Variants in RBFOX1 observed in about 807,000 individuals in gnomAD.
RBFOX1 encodes RNA binding fox-1 homolog 1.
A neutral mutation model predicts 57.7 loss-of-function variants in RBFOX1; 8 were observed. That is an observed-to-expected ratio of 0.14 (90% confidence interval 0.08 to 0.25). RBFOX1 has a LOEUF of 0.25. RBFOX1 is among the 10% of genes least tolerant of loss of function. RBFOX1 has a pLI of 1.00. For synonymous variants in RBFOX1, 326 were observed against 222.4 expected (o/e 1.47, Z -4.15); for missense variants, 611 against 548.5 (o/e 1.11, Z -1.14).
At chr16:7,601,280 G>A (rs935331363) in intron 9 of RBFOX1, among the ~76,000 whole-genome samples, 1 of 152,280 alleles carries the variant, frequency 6.6e-6, no homozygotes, top group Middle Eastern at 3.4e-3. Context: ...CTGTACAAAT[G>A]ATGGGAACTA....
rs148156480 is a variant in RBFOX1 at position 6,789,390 on chromosome 16, G to A, written c.-16+134740G>A. Among the ~76,000 whole-genome samples the A allele has an allele frequency of 2.4e-4, 37 of 152,254 alleles. No homozygotes were observed. The East Asian group carries it at 6.4e-3, about 26-fold the overall frequency. ...GTTACAATGTTAAGGGGTCCTAGGT[G>A]TTAATATCAATTTTATAATTTTTAA... is the stretch of plus-strand genomic sequence containing the variant. On this transcript the variant is annotated intron_variant, in intron 3 of 15. Transcript: ENST00000550418.
At chr16:6,777,670 A>T (rs117891757) in intron 3 of RBFOX1, among the ~76,000 whole-genome samples, 4,213 of 152,190 alleles carry the variant, frequency 0.028, 106 homozygotes, top group Middle Eastern at 0.095. Context: ...CAGTTTCTTA[A>T]ATCTGTAGAC....
Position 6,912,782 on chromosome 16 carries a change from C to T in RBFOX1, c.-15-139275C>T, listed in dbSNP as rs565131404. 1.8e-4 allele frequency among the ~76,000 whole-genome samples: 28 copies of T among 151,464 alleles called. No individual in the cohort carries two copies. In the South Asian group the frequency reaches 3.8e-3, roughly 20 times the overall value. On this transcript the variant is annotated intron_variant, in intron 3 of 15. Transcript: ENST00000550418. ...ATAGGCACATGCCACCACACGTGCCCGCCTAATTTTTTTTTTTAAGACAGA... is the reference window on the plus strand; with the variant it reads ...ATAGGCACATGCCACCACACGTGCCTGCCTAATTTTTTTTTTTAAGACAGA...
Position 7,686,007 on chromosome 16 carries a change from C to CTCA in RBFOX1, c.995+9170_995+9172dup, listed in dbSNP as rs1466237532. On this transcript the variant is annotated intron_variant, in intron 14 of 15. Coordinates refer to ENST00000550418, the MANE Select transcript of RBFOX1 (RefSeq NM_018723.4). ...CAGGCCAACATTGAGCTAGTTGACC[C>CTCA]TCAACTGCCTCATCTATAAAGTGGG... Among the ~76,000 whole-genome samples, 3 of 152,088 alleles carry CTCA rather than the reference C, an allele frequency of 2.0e-5. No individual in the cohort carries two copies. The East Asian group carries it at 5.8e-4, about 29-fold the overall frequency.
intron 1 of RBFOX1, among the ~76,000 whole-genome samples, chr16:5,248,189 T>C (rs1254984075): frequency 6.6e-6 from 1 of 152,262 alleles, no homozygotes; most frequent in Non-Finnish European, 1.5e-5. Flanking sequence ...GAATGGTTTC[T>C]GCGAGCACAA....
chr16:6,708,746 GGCGT>G (rs1270066111), intron 3 of RBFOX1, among the ~76,000 whole-genome samples: 3 of 152,148 alleles, frequency 2.0e-5, no homozygotes, highest in Non-Finnish European at 2.9e-5. Context: ...GCTCAACTCA[GGCGT>G]CCCTTCGACT....
chr16:7,386,586 T>C (rs937221592), intron 4 of RBFOX1, among the ~76,000 whole-genome samples: 9 of 152,170 alleles, frequency 5.9e-5, no homozygotes, highest in Admixed American at 5.2e-4. Flanking sequence ...TAGTATTCCA[T>C]GGTGTATATG....
At chr16:6,009,820 G>GTGTGTGTGTGTGTGTGTA (rs1440725518) in intron 4 of RBFOX1, among the ~76,000 whole-genome samples, 6 of 151,762 alleles carry the variant, frequency 4.0e-5, no homozygotes, top group Non-Finnish European at 8.8e-5. Context: ...GTGTGTCTGT[G>GTGTGTGTGTGTGTGTGTA]TGTGTGTGTG....
chr16:6,891,713 A>G (rs533790797), intron 3 of RBFOX1, among the ~76,000 whole-genome samples: 4 of 152,260 alleles, frequency 2.6e-5, no homozygotes, highest in South Asian at 2.1e-4. Context: ...ACTTTTATTC[A>G]TCTGAACGTG....
At chr16:5,247,380 T>C (rs544078092) in intron 1 of RBFOX1, among the ~76,000 whole-genome samples, 2 of 152,308 alleles carry the variant, frequency 1.3e-5, no homozygotes, top group South Asian at 4.1e-4. Flanking sequence ...CTGCCCTGGC[T>C]TTGTCCCTCC....
intron 4 of RBFOX1, among the ~76,000 whole-genome samples, chr16:7,072,265 A>G (rs2057482529): frequency 6.6e-6 from 1 of 152,190 alleles, no homozygotes; most frequent in Non-Finnish European, 1.5e-5. Context: ...AATGACCTTT[A>G]AAGAGCTTAA....
intron 4 of RBFOX1, among the ~76,000 whole-genome samples, chr16:7,316,987 A>ACACACACACACAC (rs1568178930): frequency 2.2e-5 from 1 of 45,858 alleles, no homozygotes; most frequent in African/African-American, 7.1e-5. Context: ...CACACACACA[A>ACACACACACACAC]ACACACACAC....
At chr16:6,521,268 G>C (rs530003417) in intron 2 of RBFOX1, among the ~76,000 whole-genome samples, 1 of 152,070 alleles carries the variant, frequency 6.6e-6, no homozygotes, top group African/African-American at 2.4e-5. Context: ...CAAGGAAAAG[G>C]TGCATGCACG....
intron 2 of RBFOX1, among the ~76,000 whole-genome samples, chr16:6,324,892 G>A (rs941355585): frequency 3.3e-5 from 5 of 152,138 alleles, no homozygotes; most frequent in Non-Finnish European, 5.9e-5. Context: ...GTCCCTCCCT[G>A]GCCCACCTGT....
intron 4 of RBFOX1, among the ~76,000 whole-genome samples, chr16:7,451,713 G>T (rs545278448): frequency 7.3e-6 from 1 of 137,704 alleles, no homozygotes; most frequent in Non-Finnish European, 1.5e-5. Flanking sequence ...TGAAGTAGAG[G>T]CTTCCAGCAC....
intron 3 of RBFOX1, among the ~76,000 whole-genome samples, chr16:5,614,830 A>T (rs1184003212): frequency 6.6e-6 from 1 of 152,198 alleles, no homozygotes; most frequent in Non-Finnish European, 1.5e-5. Flanking sequence ...CCAAGATAAT[A>T]TGCTTATCGT....
intron 3 of RBFOX1, among the ~76,000 whole-genome samples, chr16:5,740,946 A>C (rs1000595717): frequency 4.6e-5 from 7 of 152,080 alleles, no homozygotes; most frequent in Non-Finnish European, 1.0e-4. Context: ...AGTCATGATG[A>C]GTTGGAGTGG....
At chr16:6,423,332 C>T (rs2093828986) in intron 2 of RBFOX1, among the ~76,000 whole-genome samples, 1 of 152,232 alleles carries the variant, frequency 6.6e-6, no homozygotes, top group Non-Finnish European at 1.5e-5. Flanking sequence ...GGCGTGGTGG[C>T]TCAGGCCTGT....
At chr16:7,084,923 C>T (rs936097861) in intron 4 of RBFOX1, among the ~76,000 whole-genome samples, 1 of 152,158 alleles carries the variant, frequency 6.6e-6, no homozygotes, top group African/African-American at 2.4e-5. Context: ...GCCATCCATC[C>T]ATTTGTCCAT....
Sources: gnomAD v4.1 joint callset for allele counts (sites outside exome capture counted in the v4.1 genomes callset) on GRCh38, gnomAD v4.1.1 for gene constraint, MANE v1.5 for transcripts, NCBI Gene and HGNC (gene_info 2026-07-23, HGNC 2026-07-21) for gene names.